The following UBE2L3 variants were observed in gnomAD, a reference collection of about 807,000 sequenced individuals.
UBE2L3 encodes the protein ubiquitin-conjugating enzyme E2 L3.
UBE2L3 carries 1 observed loss-of-function variant against 17.8 expected under a neutral mutation model. The ratio of observed to expected loss-of-function variants is 0.06; its 90% CI spans 0.02 to 0.27. UBE2L3 has a LOEUF of 0.27. Ranked by LOEUF, UBE2L3 falls within the 10% of genes least tolerant of loss-of-function variation. UBE2L3 has a pLI of 1.00. For synonymous variants in UBE2L3, 44 were observed against 68.5 expected (o/e 0.64, Z 1.76); for missense variants, 40 against 192.6 (o/e 0.21, Z 4.69).
intron 2 of UBE2L3, among the ~76,000 whole-genome samples, chr22:21,594,765 A>G (rs1928432132): frequency 6.6e-6 from 1 of 152,116 alleles, no homozygotes; most frequent in South Asian, 2.1e-4. Context: ...TTGGCCTGTG[A>G]GTGCAGCCCT....
intron 2 of UBE2L3, among the ~76,000 whole-genome samples, chr22:21,607,366 T>C (rs1301342396): frequency 6.7e-6 from 1 of 148,684 alleles, no homozygotes; most frequent in African/African-American, 2.5e-5. Context: ...AAAAAAAAAA[T>C]TAGTCGGGCA....
At chr22:21,606,177 C>T (rs1929148602) in intron 2 of UBE2L3, among the ~76,000 whole-genome samples, 1 of 152,234 alleles carries the variant, frequency 6.6e-6, no homozygotes, top group African/African-American at 2.4e-5. Flanking sequence ...ATGCTTCACC[C>T]CAGCTCCTCG....
At chr22:21,556,144 T>C (rs1926216748) in intron 1 of UBE2L3, among the ~76,000 whole-genome samples, 1 of 152,222 alleles carries the variant, frequency 6.6e-6, no homozygotes, top group Admixed American at 6.5e-5. Flanking sequence ...GGTGGGAAGA[T>C]TGCTTGAGCC....
chr22:21,613,714 G>A (rs1203404420), intron 3 of UBE2L3, among the ~76,000 whole-genome samples: 2 of 152,198 alleles, frequency 1.3e-5, no homozygotes, highest in African/African-American at 4.8e-5. Context: ...TGGTTCTACA[G>A]CTGACTGTTC....
At chr22:21,578,491 G>A (rs1927442414) in intron 1 of UBE2L3, among the ~76,000 whole-genome samples, 1 of 152,132 alleles carries the variant, frequency 6.6e-6, no homozygotes, top group African/African-American at 2.4e-5. Context: ...GGTTGAGTCT[G>A]TTGTGGACAG....
intron 3 of UBE2L3, among the ~76,000 whole-genome samples, chr22:21,619,184 A>G (rs890705187): frequency 7.9e-4 from 121 of 152,342 alleles, no homozygotes; most frequent in African/African-American, 2.9e-3. Context: ...GGTGGTGTGC[A>G]CTGAAATACA....
At chr22:21,612,774 G>T (rs374261133) in intron 3 of UBE2L3, among the ~76,000 whole-genome samples, 184 of 146,092 alleles carry the variant, frequency 1.3e-3, no homozygotes, top group Middle Eastern at 7.1e-3. Context: ...CTCCTGAGTA[G>T]CTGGGATTAC....
At chr22:21,595,018 C>G (rs1443440858) in intron 2 of UBE2L3, among the ~76,000 whole-genome samples, 1 of 152,190 alleles carries the variant, frequency 6.6e-6, no homozygotes, top group Non-Finnish European at 1.5e-5. Flanking sequence ...ATGCTCTGCC[C>G]CAACTCATGC....
At chr22:21,615,554 CAAA>C (rs370703483) in intron 3 of UBE2L3, among the ~76,000 whole-genome samples, 6 of 94,200 alleles carry the variant, frequency 6.4e-5, no homozygotes, top group Admixed American at 1.2e-4. Context: ...GACTCCGTCT[CAAA>C]AAAAAAAAAA....
At chr22:21,614,431 A>G in intron 3 of UBE2L3, 1 of 527,248 alleles carries the variant, frequency 1.9e-6, no homozygotes, top group Non-Finnish European at 3.3e-6. Context: ...CTGTACCAAA[A>G]AAAAAAAAAG....
At chr22:21,615,927 G>A (rs59682489) in intron 3 of UBE2L3, among the ~76,000 whole-genome samples, 12,147 of 152,196 alleles carry the variant, frequency 0.08, 1,682 homozygotes, top group African/African-American at 0.28. Flanking sequence ...GGCCCCAAAC[G>A]TGGTGCTGAA....
chr22:21,618,290 G>C (rs543411262), intron 3 of UBE2L3, among the ~76,000 whole-genome samples: 56 of 152,116 alleles, frequency 3.7e-4, no homozygotes, highest in Admixed American at 9.2e-4. Flanking sequence ...ATTTTGCCAG[G>C]TGCAGTGGCT....
At chr22:21,565,971 C>CTTTTTT (rs527289152), upstream of UBE2L3, among the ~76,000 whole-genome samples, 3 of 122,634 alleles carry the variant, frequency 2.4e-5, no homozygotes, top group Non-Finnish European at 1.7e-5. Context: ...CAGAGTACTC[C>CTTTTTT]TTTTTTTTTT....
chr22:21,595,697 G>A (rs111933634), intron 2 of UBE2L3, among the ~76,000 whole-genome samples: 16 of 152,162 alleles, frequency 1.1e-4, no homozygotes, highest in African/African-American at 3.4e-4. Flanking sequence ...CTAAGGTAAC[G>A]TCTAAGGAAG....
chr22:21,568,784 C>T (rs1385743187), intron 1 of UBE2L3, among the ~76,000 whole-genome samples: 3 of 152,072 alleles, frequency 2.0e-5, no homozygotes, highest in African/African-American at 7.2e-5. Context: ...AGATAAAGAG[C>T]TGGGGTTCGT....
At chr22:21,603,582 G>A (rs1365852404) in intron 2 of UBE2L3, among the ~76,000 whole-genome samples, 11 of 141,774 alleles carry the variant, frequency 7.8e-5, no homozygotes, top group African/African-American at 1.0e-4. Context: ...CGTGGCTCAC[G>A]CCTGTAATCC....
In UBE2L3 at chr22:21,621,564, G is replaced by A. The variant is rs754277239; in HGVS notation, c.360G>A (p.Pro120=). 7.8e-5 allele frequency: 126 copies of A among 1,611,686 alleles called. No homozygotes were observed. The South Asian group carries it at 1.1e-3, about 14-fold the overall frequency. ...TGAATGACCCCCAGCCTGAGCACCC[G>A]CTTCGGGCTGACCTAGCTGAAGAAT... ...ALVNDPQPEH[P]LRADLAEEYS... Residue 120 remains proline (P), a synonymous_variant, in exon 4 of 4, where the codon CCG becomes CCA. Transcript: ENST00000342192.
chr22:21,567,727 A>G lies in UBE2L3; in HGVS notation c.-18A>G. ...CGGCCGCGATGCATTCTGGGGAAGG[A>G]GCAGCACCAAATCCAAGATGGCGGC... On this transcript the variant is annotated 5_prime_UTR_variant, in exon 1 of 4. Coordinates refer to ENST00000342192, the MANE Select transcript of UBE2L3 (RefSeq NM_003347.4). 1 of 1,579,050 alleles carries G rather than the reference A, an allele frequency of 6.3e-7. No individual in the cohort carries two copies. The highest frequency in any genetic ancestry group is 1.2e-5 in the South Asian group (1 of 85,944).
At chr22:21,564,177 T>C (rs993091648), upstream of UBE2L3, among the ~76,000 whole-genome samples, 6 of 151,944 alleles carry the variant, frequency 3.9e-5, no homozygotes, top group African/African-American at 1.4e-4. Flanking sequence ...CTAGAATTAC[T>C]TGGCCATCAC....
Sources: gnomAD v4.1 joint callset for allele counts (sites outside exome capture counted in the v4.1 genomes callset) on GRCh38, gnomAD v4.1.1 for gene constraint, MANE v1.5 for transcripts, NCBI Gene and HGNC (gene_info 2026-07-23, HGNC 2026-07-21) for gene names.